Variants in AGPAT3 observed in about 807,000 individuals in gnomAD.
AGPAT3 encodes the protein 1-acylglycerol-3-phosphate O-acyltransferase 3.
AGPAT3 carries 5 observed loss-of-function variants against 47.3 expected under a neutral mutation model. The ratio of observed to expected loss-of-function variants is 0.11; its 90% CI spans 0.06 to 0.22. The LOEUF (loss-of-function observed/expected upper bound fraction) is 0.22. AGPAT3 is among the 10% of genes least tolerant of loss of function. The pLI is 1.00. For missense variants in AGPAT3, 315 were observed against 493.0 expected, an observed-to-expected ratio of 0.64 and a Z score of 3.42; for synonymous variants, 212 against 208.3, an observed-to-expected ratio of 1.02 and a Z score of -0.15.
At chr21:43,906,830 C>T (rs988265982) in intron 2 of AGPAT3, among the ~76,000 whole-genome samples, 2 of 152,138 alleles carry the variant, frequency 1.3e-5, no homozygotes, top group Admixed American at 6.5e-5. Context: ...TGGAGACACC[C>T]GTGCTCCGCC....
intron 7 of AGPAT3, among the ~76,000 whole-genome samples, chr21:43,977,454 C>G (rs2838457): frequency 0.15 from 22,977 of 152,126 alleles, 2,227 homozygotes; most frequent in African/African-American, 0.28. Context: ...CTCGTGGGCA[C>G]CCTGGGGGTT....
intron 2 of AGPAT3, among the ~76,000 whole-genome samples, chr21:43,945,780 A>C (rs1256889554): frequency 6.6e-6 from 1 of 152,226 alleles, no homozygotes; most frequent in Admixed American, 6.5e-5. Context: ...GTGGCATTTC[A>C]ATCGGTAAAT....
chr21:43,923,030 C>G (rs1189394024), intron 2 of AGPAT3, among the ~76,000 whole-genome samples: 3 of 152,160 alleles, frequency 2.0e-5, no homozygotes, highest in African/African-American at 7.2e-5. Context: ...GTGTGCTTCC[C>G]AAAGAAAACC....
rs2088376555 is a variant in AGPAT3 at position 43,955,042 on chromosome 21, G to A, written c.-48-4592G>A. On this transcript the variant is annotated intron_variant, in intron 2 of 9. Coordinates refer to ENST00000291572, the MANE Select transcript of AGPAT3 (RefSeq NM_020132.5). This position sits in a 1 kb window ranked among gnomAD's most constrained non-coding sequence, Gnocchi z 4.1. ...GGCTGGGACGTGAATGTGCATCACG[G>A]CTCTATCTGTGGCCCCCAAAGGCTG... 1.7e-6 allele frequency: 2 copies of A among 1,208,202 alleles called. No homozygotes were observed. The highest frequency in any genetic ancestry group is 3.2e-5 in the African/African-American group (2 of 63,470). 74.8% of individuals were successfully genotyped at this position (1,208,202 alleles called of 1,614,324 possible). A position where few individuals can be genotyped will look rare whatever the true frequency, so the allele number is the denominator to read the frequency against.
chr21:43,875,647 G>A (rs565216525), intron 1 of AGPAT3, among the ~76,000 whole-genome samples: 14 of 152,198 alleles, frequency 9.2e-5, no homozygotes, highest in African/African-American at 2.2e-4. Flanking sequence ...TTGCTCTGTT[G>A]CCCAGGCTGG....
chr21:43,927,068 A>G (rs975963855), intron 2 of AGPAT3, among the ~76,000 whole-genome samples: 31 of 150,904 alleles, frequency 2.1e-4, no homozygotes, highest in Middle Eastern at 3.4e-3. Flanking sequence ...TCAGCCTCCC[A>G]GAGTGCTGGG....
In AGPAT3 at chr21:43,880,300, G is replaced by A. The variant is rs559112479; in HGVS notation, c.-112+14955G>A. On this transcript the variant is annotated intron_variant, in intron 1 of 9. Coordinates refer to ENST00000291572, the MANE Select transcript of AGPAT3 (RefSeq NM_020132.5). This position sits in a 1 kb window ranked among gnomAD's most constrained non-coding sequence, Gnocchi z 4.5. Reference sequence around the variant, plus strand: ...CCCCTAGAGCCCGAGATCTGGGAGCGGCAGGGGCAGCCACTGTTCCTGTGG... The same window carrying A: ...CCCCTAGAGCCCGAGATCTGGGAGCAGCAGGGGCAGCCACTGTTCCTGTGG... Among the ~76,000 whole-genome samples, 35 of 152,352 alleles carry A rather than the reference G, an allele frequency of 2.3e-4. No homozygotes were observed. Among genetic ancestry groups the A allele is most frequent in the South Asian group, 1.0e-3 (5 of 4,832 alleles).
chr21:43,979,298 C>CAAAAAA (rs540542305), intron 8 of AGPAT3, among the ~76,000 whole-genome samples: 200 of 57,040 alleles, frequency 3.5e-3, no homozygotes, highest in Non-Finnish European at 4.8e-3. Flanking sequence ...GACTCCAACT[C>CAAAAAA]AAAAAAAAAA....
chr21:43,926,957 C>T (rs1052816545), intron 2 of AGPAT3, among the ~76,000 whole-genome samples: 11 of 133,152 alleles, frequency 8.3e-5, no homozygotes, highest in Admixed American at 8.0e-4. Flanking sequence ...CCAGTCTAGG[C>T]GACAGAGGAA....
At chr21:43,904,964 G>A (rs995282869) in intron 2 of AGPAT3, among the ~76,000 whole-genome samples, 1 of 152,136 alleles carries the variant, frequency 6.6e-6, no homozygotes, top group African/African-American at 2.4e-5. Context: ...AACCCAGGGT[G>A]TGTTGAAAGC....
At chr21:43,874,268 C>G (rs558965800) in intron 1 of AGPAT3, among the ~76,000 whole-genome samples, 2 of 152,210 alleles carry the variant, frequency 1.3e-5, no homozygotes, top group Non-Finnish European at 2.9e-5. Context: ...TCAGGCAATC[C>G]GCCCACCTCG....
chr21:43,951,733 G>A (rs1202943425), intron 2 of AGPAT3, among the ~76,000 whole-genome samples: 1 of 152,202 alleles, frequency 6.6e-6, no homozygotes, highest in African/African-American at 2.4e-5. Context: ...AGACAAACTG[G>A]TGTTTACCCC....
intron 3 of AGPAT3, 24 bp from the exon 4 acceptor site, chr21:43,967,922 C>T: frequency 1.9e-6 from 3 of 1,609,542 alleles, no homozygotes; most frequent in Non-Finnish European, 2.5e-6. Context: ...CCTACCAGTG[C>T]CAACGCCCTC....
At chr21:43,890,062 G>A (rs1287891259) in intron 1 of AGPAT3, among the ~76,000 whole-genome samples, 1 of 151,842 alleles carries the variant, frequency 6.6e-6, no homozygotes, top group African/African-American at 2.4e-5. Flanking sequence ...TTTTGGATCT[G>A]TGTCCCTGTC....
intron 2 of AGPAT3, among the ~76,000 whole-genome samples, chr21:43,940,405 C>T (rs1444122033): frequency 6.6e-6 from 1 of 152,206 alleles, no homozygotes. Context: ...CTCTTCCAGC[C>T]CTGGACCGTT....
chr21:43,931,671 A>G (rs570303069), intron 2 of AGPAT3, among the ~76,000 whole-genome samples: 3 of 152,160 alleles, frequency 2.0e-5, no homozygotes, highest in South Asian at 2.1e-4. Context: ...TTTGATTGAC[A>G]CTGAGCATCC....
chr21:43,893,208 CT>C lies in AGPAT3; in HGVS notation c.-111-10745del, dbSNP rs541072230. ...GTGGGCACCTACTGCTTCACCTGCA[CT>C]TTTATGTGAAGAAGATGTGGCTTCT... On this transcript the variant is annotated intron_variant, in intron 1 of 9. Transcript: ENST00000291572. Among the ~76,000 whole-genome samples the C allele has an allele frequency of 2.0e-5, 3 of 152,366 alleles. No individual in the cohort carries two copies. In the East Asian group the frequency reaches 5.8e-4, roughly 29 times the overall value.
chr21:43,979,686 C>A (rs1267459349), intron 8 of AGPAT3, among the ~76,000 whole-genome samples: 1 of 152,200 alleles, frequency 6.6e-6, no homozygotes, highest in Non-Finnish European at 1.5e-5. Context: ...TAATTACAGG[C>A]CTGTCCTCCA....
chr21:43,888,482 A>G (rs1285069816), intron 1 of AGPAT3, among the ~76,000 whole-genome samples: 1 of 152,240 alleles, frequency 6.6e-6, no homozygotes, highest in Non-Finnish European at 1.5e-5. Flanking sequence ...ACCGTGGCAC[A>G]CGTTTACCTG....
Sources: allele counts gnomAD v4.1 joint callset (sites outside exome capture counted in the v4.1 genomes callset), GRCh38; gene constraint gnomAD v4.1.1; non-coding constraint Gnocchi (gnomAD v3.1); transcripts MANE v1.5; gene names NCBI Gene and HGNC (gene_info 2026-07-23, HGNC 2026-07-21).